The following ASB1 variants were observed in gnomAD, a reference collection of about 807,000 sequenced individuals.
ASB1 encodes the protein ankyrin repeat and SOCS box protein 1.
A neutral mutation model predicts 27.7 loss-of-function variants in ASB1; 18 were observed. That is an observed-to-expected ratio of 0.65 (90% CI 0.45 to 0.96). The LOEUF (loss-of-function observed/expected upper bound fraction) is 0.96, where lower values mean the gene tolerates loss of function less well. Ranked by LOEUF, ASB1 falls within the 50% of genes least tolerant of loss-of-function variation. The probability of loss-of-function intolerance (pLI) is 0.00; values close to 1 mark genes in which losing one functional copy is unlikely to be tolerated. For missense variants in ASB1, 397 were observed against 451.7 expected, an observed-to-expected ratio of 0.88 and a Z score of 1.10; for synonymous variants, 189 against 187.6, an observed-to-expected ratio of 1.01 and a Z score of -0.06.
rs796745408 is a variant in ASB1 at position 238,435,721 on chromosome 2, G to C, written c.202G>C (p.Glu68Gln). The C allele has an allele frequency of 6.2e-7, 1 of 1,612,368 alleles. No individual in the cohort carries two copies. ...GTGTTCCTCCTGCAGCCGCATCAAC[G>C]AGAAGTCTGTCTGGTGCTGTGGCTG... ...QEESYRSRIN[E>Q]KSVWCCGWLP... Residue 68 changes from glutamate (E) to glutamine (Q), a missense_variant, in exon 3 of 5, where the codon GAG (glutamate) becomes CAG (glutamine). Glu to Gln is a conservative substitution (Grantham distance 29). Coordinates refer to ENST00000264607, the MANE Select transcript of ASB1 (RefSeq NM_001040445.3).
chr2:238,430,285 T>C (rs1189998478), intron 1 of ASB1, among the ~76,000 whole-genome samples: 4 of 152,342 alleles, frequency 2.6e-5, no homozygotes, highest in South Asian at 2.1e-4. Context: ...ATCAACTAAG[T>C]GTATGTGGCC....
intron 1 of ASB1, among the ~76,000 whole-genome samples, chr2:238,429,603 A>T (rs1487641336): frequency 1.3e-5 from 2 of 152,116 alleles, no homozygotes; most frequent in East Asian, 3.9e-4. Context: ...CCCAGTGCAT[A>T]TATAAGTTAT....
rs894471958 is a variant in ASB1, at chr2:238,448,710, A to G, written c.*2199A>G. The G allele has an allele frequency of 2.0e-5, 3 of 152,438 alleles. No individual in the cohort carries two copies. The highest frequency in any genetic ancestry group is 7.2e-5 in the African/African-American group (3 of 41,462). 9.4% of individuals were successfully genotyped at this position (152,438 alleles called of 1,614,324 possible). ...GCACCTGGGAATGCTGCCTCGTGGG[A>G]GTCCCATGCGTGAGTGTGGTGGTGT... On this transcript the variant is annotated 3_prime_UTR_variant, in exon 5 of 5. Transcript: ENST00000264607.
In ASB1 at chr2:238,446,403, G is replaced by C; in HGVS notation, c.900G>C (p.Leu300=). ...KEARSVPRTL[L]CLCRVAVRRA... The stretch of plus-strand genomic sequence containing the variant: ...CTTCAGGTGTTCCCAGAACCTTGCT[G>C]TGTCTGTGCCGTGTGGCTGTGAGAA... Residue 300 remains leucine, a synonymous_variant, in exon 5 of 5, where the codon CTG becomes CTC. Transcript: ENST00000264607. 1.2e-6 allele frequency: 2 copies of C among 1,611,036 alleles called. No individual in the cohort carries two copies. Among genetic ancestry groups the C allele is most frequent in the Non-Finnish European group, 1.7e-6 (2 of 1,178,436 alleles).
chr2:238,436,168 T>C (rs960150900), intron 3 of ASB1, among the ~76,000 whole-genome samples, 155 bp downstream of exon 3: 2 of 152,240 alleles, frequency 1.3e-5, no homozygotes, highest in Admixed American at 6.5e-5. Context: ...TCAGGTCTCT[T>C]TGTTTTTTGG....
intron 3 of ASB1, among the ~76,000 whole-genome samples, chr2:238,440,687 C>G (rs3769123): frequency 0.094 from 14,162 of 151,242 alleles, 756 homozygotes; most frequent in Non-Finnish European, 0.12. Context: ...TTTGCACTTG[C>G]CCTGGAAGAA....
rs1702204613 is a variant in ASB1 at position 238,447,536 on chromosome 2, T to G, written c.*1025T>G. 1 of 152,286 alleles carries G rather than the reference T, an allele frequency of 6.6e-6. No homozygotes were observed. Among genetic ancestry groups the G allele is most frequent in the Admixed American group, 6.5e-5 (1 of 15,286 alleles). 9.4% of individuals were successfully genotyped at this position (152,286 alleles called of 1,614,324 possible). On this transcript the variant is annotated 3_prime_UTR_variant, in exon 5 of 5. Transcript: ENST00000264607. ...GCCTGGGTTATCATTGCTGATAGCT[T>G]TGGCTGCATGAGTTGGGCTTCCCCT...
chr2:238,439,531 G>A (rs1373214291), intron 3 of ASB1, among the ~76,000 whole-genome samples: 3 of 152,166 alleles, frequency 2.0e-5, no homozygotes, highest in Non-Finnish European at 2.9e-5. Flanking sequence ...TGCACCCTGC[G>A]TGTTCTGGTC....
At chr2:238,433,724 G>A (rs1414214719) in intron 2 of ASB1, 29 bp downstream of exon 2, 2 of 1,611,670 alleles carry the variant, frequency 1.2e-6, no homozygotes, top group Non-Finnish European at 1.7e-6. Context: ...GGCTGGTCCG[G>A]GTACTAGGGC....
chr2:238,442,377 G>T, intron 3 of ASB1, among the ~76,000 whole-genome samples: 1 of 152,098 alleles, frequency 6.6e-6, no homozygotes, highest in Non-Finnish European at 1.5e-5. Flanking sequence ...CTCCTAAAGT[G>T]CTGGGATTAC....
At chr2:238,433,782 A>C (rs763792829) in intron 2 of ASB1, 87 bp downstream of exon 2, 30 of 1,474,408 alleles carry the variant, frequency 2.0e-5, no homozygotes, top group Admixed American at 1.3e-4. Context: ...GTGCAGATGA[A>C]GACCTTGATG....
In ASB1 at chr2:238,428,293, G is replaced by C. The variant is rs1057072920; in HGVS notation, c.49+1174G>C. On this transcript the variant is annotated intron_variant, in intron 1 of 4. Transcript: ENST00000264607. ...AACACTGGCTTTGTCGGCTGCACAG[G>C]TCTCCTTTTTTTTTGAGACGGAGTT... 2.0e-5 allele frequency among the ~76,000 whole-genome samples: 3 copies of C among 152,204 alleles called. No homozygotes were observed. The South Asian group carries it at 6.2e-4, about 31-fold the overall frequency.
chr2:238,442,958 A>G (rs945036919), intron 3 of ASB1, among the ~76,000 whole-genome samples: 1 of 152,156 alleles, frequency 6.6e-6, no homozygotes, highest in Admixed American at 6.5e-5. Flanking sequence ...AATAAACTTC[A>G]CTTATGGTGT....
intron 3 of ASB1, among the ~76,000 whole-genome samples, chr2:238,436,921 T>TA (rs1425465594): frequency 6.6e-6 from 1 of 152,226 alleles, no homozygotes; most frequent in African/African-American, 2.4e-5. Flanking sequence ...ATTGAACTCA[T>TA]AAAAGTTCCT....
At chr2:238,432,438 GT>G (rs769850553) in intron 1 of ASB1, among the ~76,000 whole-genome samples, 107 of 150,276 alleles carry the variant, frequency 7.1e-4, no homozygotes, top group Non-Finnish European at 1.3e-3. Context: ...TTATGTACAT[GT>G]GTTTTTAACC....
In ASB1 at chr2:238,448,987, G is replaced by T. The variant is rs1702230061; in HGVS notation, c.*2476G>T. Reference sequence around the variant, plus strand: ...CCTGGCCTGTGGCCCAGCCTGGCTGGCCTGCAGGTGTCTAGGGTCTCAGCT... The same window carrying T: ...CCTGGCCTGTGGCCCAGCCTGGCTGTCCTGCAGGTGTCTAGGGTCTCAGCT... On this transcript the variant is annotated 3_prime_UTR_variant, in exon 5 of 5. Transcript: ENST00000264607. The T allele has an allele frequency of 6.6e-6, 1 of 152,338 alleles. No homozygotes were observed. Among genetic ancestry groups the T allele is most frequent in the South Asian group, 2.1e-4 (1 of 4,834 alleles). The allele number at this position is 152,338 out of a possible 1,614,324, so 9.4% of individuals were successfully genotyped here.
intron 3 of ASB1, among the ~76,000 whole-genome samples, chr2:238,441,723 C>T (rs935180614): frequency 2.6e-5 from 4 of 152,202 alleles, no homozygotes; most frequent in African/African-American, 9.7e-5. Context: ...CAGCCAGTCC[C>T]GTTAGTGGAC....
chr2:238,432,773 G>A (rs1162094542), intron 1 of ASB1, among the ~76,000 whole-genome samples: 2 of 150,918 alleles, frequency 1.3e-5, no homozygotes, highest in African/African-American at 4.9e-5. Flanking sequence ...TTGAGACCGA[G>A]TCTCACTCAG....
rs891077853 is a variant in ASB1 at position 238,433,371 on chromosome 2, C to T, written c.50-183C>T. The T allele has an allele frequency of 6.0e-5, 39 of 646,318 alleles. No individual in the cohort carries two copies. In the African/African-American group the frequency reaches 6.8e-4, roughly 11 times the overall value. The allele number at this position is 646,318 out of a possible 1,614,324, so 40.0% of individuals were successfully genotyped here. A position where few individuals can be genotyped will look rare whatever the true frequency, so the allele number is the denominator to read the frequency against. On this transcript the variant is annotated intron_variant, in intron 1 of 4. Transcript: ENST00000264607. Reference sequence around the variant, plus strand: ...GAACTCCTGGCCTCAAGTGATCCTGCCTCAGCCTCCTGAGTAGCTGGGATT... The same window carrying T: ...GAACTCCTGGCCTCAAGTGATCCTGTCTCAGCCTCCTGAGTAGCTGGGATT...
Sources: gnomAD v4.1 joint callset for allele counts (sites outside exome capture counted in the v4.1 genomes callset) on GRCh38, gnomAD v4.1.1 for gene constraint, MANE v1.5 for transcripts, NCBI Gene and HGNC (gene_info 2026-07-23, HGNC 2026-07-21) for gene names.